Variants in SERP1 observed in about 807,000 individuals in gnomAD.
SERP1 encodes the protein stress-associated endoplasmic reticulum protein 1.
A neutral mutation model predicts 8.8 loss-of-function variants in SERP1; 6 were observed. The observed-to-expected ratio is 0.68, with a 90% CI of 0.37 to 1.35. SERP1 has a LOEUF of 1.35. Ranked by LOEUF, SERP1 falls within the 40% of genes most tolerant of loss-of-function variation. The pLI, the probability that SERP1 is intolerant of heterozygous loss-of-function variation, is 0.02. For synonymous variants in SERP1, 36 were observed against 28.7 expected, an observed-to-expected ratio of 1.25 and a Z score of -0.81; for missense variants, 52 against 86.2, an observed-to-expected ratio of 0.60 and a Z score of 1.57.
At position 150,544,328 on chromosome 3, in the gene SERP1, G is replaced by A. The variant is rs948481846; in HGVS notation, c.*130C>T. The A allele has an allele frequency of 2.4e-6, 2 of 849,076 alleles. No homozygotes were observed. Among genetic ancestry groups the A allele is most frequent in the African/African-American group, 1.7e-5 (1 of 59,472 alleles). 52.6% of individuals were successfully genotyped at this position (849,076 alleles called of 1,614,324 possible). On this transcript the variant is annotated 3_prime_UTR_variant, in exon 3 of 3. Coordinates refer to ENST00000239944, the MANE Select transcript of SERP1 (RefSeq NM_014445.4). ...ATGAAGAAACCTTGGAATGACACAT[G>A]AAGCATGATAGGAAAGTCATTCTGA...
At position 150,546,088 on chromosome 3, in the gene SERP1, C is replaced by T; in HGVS notation, c.48G>A (p.Lys16=). ...CGACGTTGCCGCGCTGGGTGATGTTCTTGCTGTGCTTCTCGTTGGCCATAC... is the reference window on the plus strand; with the variant it reads ...CGACGTTGCCGCGCTGGGTGATGTTTTTGCTGTGCTTCTCGTTGGCCATAC... ...RIRMANEKHS[K]NITQRGNVAK... is the part of the protein sequence containing the mutation. The change falls in exon 1 of 3, where the codon AAG becomes AAA. Residue 16 remains lysine, a synonymous_variant. Transcript: ENST00000239944. The T allele has an allele frequency of 6.2e-7, 1 of 1,613,872 alleles. No homozygotes were observed. Among genetic ancestry groups the T allele is most frequent in the African/African-American group, 1.3e-5 (1 of 75,068 alleles).
chr3:150,545,631 G>A, intron 2 of SERP1, 72 bp downstream of exon 2: 4 of 1,443,130 alleles, frequency 2.8e-6, no homozygotes, highest in Non-Finnish European at 3.8e-6. Context: ...ACTCACTACT[G>A]ACCGGTCACC....
In SERP1 at chr3:150,542,628, T is replaced by C. The variant is rs920629303; in HGVS notation, c.*1830A>G. On this transcript the variant is annotated 3_prime_UTR_variant, in exon 3 of 3. Coordinates refer to ENST00000239944, the MANE Select transcript of SERP1 (RefSeq NM_014445.4). ...CTGCACTTAATTGGTGAATTACACA[T>C]GAAATACAAAGGGAATGCAATTTTA... 9.9e-5 allele frequency: 15 copies of C among 151,382 alleles called. No homozygotes were observed. The highest frequency in any genetic ancestry group is 7.3e-4 in the Admixed American group (11 of 15,172). The allele number at this position is 151,382 out of a possible 1,614,324, so 9.4% of individuals were successfully genotyped here.
intron 2 of SERP1, 151 bp from the exon 3 acceptor site, chr3:150,544,649 G>T: frequency 1.8e-6 from 1 of 548,026 alleles, no homozygotes; most frequent in Non-Finnish European, 3.2e-6. Context: ...GTGAAGACAG[G>T]CCTGTCTGAA....
chr3:150,544,707 C>T (rs1395850398), intron 2 of SERP1, among the ~76,000 whole-genome samples: 1 of 152,146 alleles, frequency 6.6e-6, no homozygotes, highest in Non-Finnish European at 1.5e-5. Flanking sequence ...ATCTTAGCTT[C>T]GCTGAACTTT....
Position 150,542,846 on chromosome 3 carries a change from A to G in SERP1, c.*1612T>C, listed in dbSNP as rs903793913. On this transcript the variant is annotated 3_prime_UTR_variant, in exon 3 of 3. Transcript: ENST00000239944. ...GAATTTAGCACAACCATAAAACAGAATTAGTTAACCAAGACACTTGTTTCA... is the reference window on the plus strand; with the variant it reads ...GAATTTAGCACAACCATAAAACAGAGTTAGTTAACCAAGACACTTGTTTCA... 4 of 152,692 alleles carry G rather than the reference A, an allele frequency of 2.6e-5. No homozygotes were observed. The highest frequency in any genetic ancestry group is 5.9e-5 in the Non-Finnish European group (4 of 68,030). 9.5% of individuals were successfully genotyped at this position (152,692 alleles called of 1,614,324 possible).
rs1276432306 is a variant in SERP1, at chr3:150,542,639, G to A, written c.*1819C>T. On this transcript the variant is annotated 3_prime_UTR_variant, in exon 3 of 3. Coordinates refer to ENST00000239944, the MANE Select transcript of SERP1 (RefSeq NM_014445.4). Reference sequence around the variant, plus strand: ...TGGTGAATTACACATGAAATACAAAGGGAATGCAATTTTACATATGTAAAA... The same window carrying A: ...TGGTGAATTACACATGAAATACAAAAGGAATGCAATTTTACATATGTAAAA... 1.3e-5 allele frequency: 2 copies of A among 148,182 alleles called. No individual in the cohort carries two copies. Among genetic ancestry groups the A allele is most frequent in the Non-Finnish European group, 3.0e-5 (2 of 66,594 alleles). The allele number at this position is 148,182 out of a possible 1,614,324, so 9.2% of individuals were successfully genotyped here. A position where few individuals can be genotyped will look rare whatever the true frequency, so the allele number is the denominator to read the frequency against.
Position 150,546,144 on chromosome 3 carries a change from C to T in SERP1, c.-9G>A. 1 of 1,612,542 alleles carries T rather than the reference C, an allele frequency of 6.2e-7. No individual in the cohort carries two copies. The highest frequency in any genetic ancestry group is 8.5e-7 in the Non-Finnish European group (1 of 1,179,748). On this transcript the variant is annotated 5_prime_UTR_variant, in exon 1 of 3. Transcript: ENST00000239944. ...CTTTGCTTGGCGACCATCTTCGCGG[C>T]GCCACCACCTGCCCCGGCCACCCCT...
rs770893592 is a variant in SERP1 at position 150,544,370 on chromosome 3, G to A, written c.*88C>T. The A allele has an allele frequency of 3.1e-5, 36 of 1,174,302 alleles. No homozygotes were observed. Among genetic ancestry groups the A allele is most frequent in the Middle Eastern group, 3.8e-4 (2 of 5,210 alleles). 72.7% of individuals were successfully genotyped at this position (1,174,302 alleles called of 1,614,324 possible). On this transcript the variant is annotated 3_prime_UTR_variant, in exon 3 of 3. Transcript: ENST00000239944. ...TCATTCTGAGGCAGGATGCTTTACT[G>A]AATTGTTTTCAACCAGGGTATCAAA...
rs891730007 is a variant in SERP1 at position 150,545,948 on chromosome 3, C to T, written c.84+104G>A. The T allele has an allele frequency of 2.0e-6, 3 of 1,488,938 alleles. No homozygotes were observed. In the African/African-American group the frequency reaches 4.1e-5, roughly 21 times the overall value. The allele number at this position is 1,488,938 out of a possible 1,614,324, so 92.2% of individuals were successfully genotyped here. On this transcript the variant is annotated intron_variant, in intron 1 of 2. Coordinates refer to ENST00000239944, the MANE Select transcript of SERP1 (RefSeq NM_014445.4). ...CTCGGGCCCCTACCCCTCCACGGCA[C>T]CAGCCCACGGTCGGCCGGATCCGGG... is the stretch of plus-strand genomic sequence containing the variant.
At chr3:150,545,890 TTCCCGAG>T in intron 1 of SERP1, 112 bp from the exon 2 acceptor site, 1 of 1,350,634 alleles carries the variant, frequency 7.4e-7, no homozygotes, top group Non-Finnish European at 1.0e-6. Context: ...TCCCCTTCCG[TTCCCGAG>T]CCCCCACAGT....
At position 150,546,034 on chromosome 3, in the gene SERP1, C is replaced by G; in HGVS notation, c.84+18G>C. 1 of 1,613,000 alleles carries G rather than the reference C, an allele frequency of 6.2e-7. No individual in the cohort carries two copies. Among genetic ancestry groups the G allele is most frequent in the African/African-American group, 1.3e-5 (1 of 75,060 alleles). On this transcript the variant is annotated intron_variant, in intron 1 of 2. Coordinates refer to ENST00000239944, the MANE Select transcript of SERP1 (RefSeq NM_014445.4). ...GCTCCGGCTGCGGAACGCAGAGGGG[C>G]GCCCGCTCTTTCCTTACCGAGGTCT...
chr3:150,543,633 T>G lies in SERP1; in HGVS notation c.*825A>C, dbSNP rs915109406. On this transcript the variant is annotated 3_prime_UTR_variant, in exon 3 of 3. Transcript: ENST00000239944. ...TTTTTCCCTAGAATTTTGTTTGGCATAGTAAACCCCTTTGATATATTAAAA... is the reference window on the plus strand; with the variant it reads ...TTTTTCCCTAGAATTTTGTTTGGCAGAGTAAACCCCTTTGATATATTAAAA... 1 of 152,616 alleles carries G rather than the reference T, an allele frequency of 6.6e-6. No homozygotes were observed. Among genetic ancestry groups the G allele is most frequent in the South Asian group, 2.1e-4 (1 of 4,836 alleles). 9.5% of individuals were successfully genotyped at this position (152,616 alleles called of 1,614,324 possible).
rs778016891 is a variant in SERP1 at position 150,544,485 on chromosome 3, A to C, written c.174T>G (p.Ile58Met). The C allele has an allele frequency of 1.9e-6, 3 of 1,612,542 alleles. No individual in the cohort carries two copies. The highest frequency in any genetic ancestry group is 1.3e-5 in the African/African-American group (1 of 75,006). ...ACATGCCCATCCTGATACTTTGAAT[A>C]ATCTGGAAAATTGCTGTAAAAAGAA... The part of the protein sequence containing the change: ...FVVCGSAIFQ[I>M]IQSIRMGM The change falls in exon 3 of 3, where the codon ATT (isoleucine) becomes ATG (methionine). Residue 58 changes from isoleucine (I) to methionine (M), a missense_variant. By Grantham distance (10) the Ile-to-Met change is conservative (BLOSUM62 1). Coordinates refer to ENST00000239944, the MANE Select transcript of SERP1 (RefSeq NM_014445.4).
intron 1 of SERP1, 21 bp downstream of exon 1, chr3:150,546,031 G>C: frequency 6.2e-7 from 1 of 1,612,862 alleles, no homozygotes; most frequent in Non-Finnish European, 8.5e-7. Context: ...GAACGCAGAG[G>C]GGCGCCCGCT....
rs1722909717 is a variant in SERP1 at position 150,543,190 on chromosome 3, C to T, written c.*1268G>A. 1.3e-5 allele frequency: 2 copies of T among 152,588 alleles called. No homozygotes were observed. The highest frequency in any genetic ancestry group is 1.3e-4 in the Admixed American group (2 of 15,274). The allele number at this position is 152,588 out of a possible 1,614,324, so 9.5% of individuals were successfully genotyped here. On this transcript the variant is annotated 3_prime_UTR_variant, in exon 3 of 3. Coordinates refer to ENST00000239944, the MANE Select transcript of SERP1 (RefSeq NM_014445.4). The stretch of plus-strand genomic sequence containing the variant: ...CAGCTTTCTTTCCAACGCATTAATA[C>T]ATAGACACTGCTCAGGTTTTTTTTC...
Position 150,544,285 on chromosome 3 carries a change from G to A in SERP1, c.*173C>T. On this transcript the variant is annotated 3_prime_UTR_variant, in exon 3 of 3. Coordinates refer to ENST00000239944, the MANE Select transcript of SERP1 (RefSeq NM_014445.4). ...TTGCAAGGCACTGTGGTATGGACTA[G>A]AAAACTTGGAATGACTCATGAAGAA... 1.6e-6 allele frequency: 1 copy of A among 630,592 alleles called. No homozygotes were observed. The highest frequency in any genetic ancestry group is 2.0e-5 in the South Asian group (1 of 49,438). 39.1% of individuals were successfully genotyped at this position (630,592 alleles called of 1,614,324 possible).
chr3:150,542,259 C>T lies in SERP1; in HGVS notation c.*2199G>A, dbSNP rs545690787. 1 of 152,122 alleles carries T rather than the reference C, an allele frequency of 6.6e-6. No individual in the cohort carries two copies. The highest frequency in any genetic ancestry group is 1.5e-5 in the Non-Finnish European group (1 of 68,000). 9.4% of individuals were successfully genotyped at this position (152,122 alleles called of 1,614,324 possible). Reference sequence around the variant, plus strand: ...TAAAATTCAACTGGCAAAGGGAGATCAAAGAATTGTGCTTCATCTTGAGCT... The same window carrying T: ...TAAAATTCAACTGGCAAAGGGAGATTAAAGAATTGTGCTTCATCTTGAGCT... On this transcript the variant is annotated 3_prime_UTR_variant, in exon 3 of 3. Coordinates refer to ENST00000239944, the MANE Select transcript of SERP1 (RefSeq NM_014445.4).
chr3:150,546,026 C>T (rs1018857716), intron 1 of SERP1, 26 bp downstream of exon 1: 3 of 1,612,544 alleles, frequency 1.9e-6, no homozygotes, highest in Non-Finnish European at 2.5e-6. Context: ...CTGCGGAACG[C>T]AGAGGGGCGC....
Sources: gnomAD v4.1 joint callset for allele counts (sites outside exome capture counted in the v4.1 genomes callset) on GRCh38, gnomAD v4.1.1 for gene constraint, MANE v1.5 for transcripts, NCBI Gene and HGNC (gene_info 2026-07-23, HGNC 2026-07-21) for gene names.